ITPR2: variants seen among roughly 807,000 people sequenced by gnomAD.
ITPR2 encodes the protein inositol 1,4,5-trisphosphate-gated calcium channel ITPR2.
ITPR2 carries 207 observed loss-of-function variants against 317.1 expected under a neutral mutation model. That is an observed-to-expected ratio of 0.65 (90% CI 0.58 to 0.73). ITPR2 has a LOEUF of 0.73. Ranked by LOEUF, ITPR2 falls within the 30% of genes least tolerant of loss-of-function variation. ITPR2 has a pLI of 0.00. For missense variants in ITPR2, 2,613 were observed against 3,284.0 expected (o/e 0.80, Z 4.99); for synonymous variants, 1,156 against 1,149.1 (o/e 1.01, Z -0.12).
intron 37 of ITPR2, among the ~76,000 whole-genome samples, chr12:26,503,767 A>C (rs773087898): frequency 6.6e-5 from 10 of 152,254 alleles, no homozygotes; most frequent in Non-Finnish European, 1.5e-5. Flanking sequence ...GCCCATAGCA[A>C]GTACTGAATA....
chr12:26,428,118 C>T (rs1380544161), intron 48 of ITPR2, 30 bp from the exon 49 acceptor site: 1 of 1,528,102 alleles, frequency 6.5e-7, no homozygotes, highest in East Asian at 2.4e-5. Context: ...TTTATTGCTA[C>T]TAAGAATAAA....
At chr12:26,570,267 T>G (rs1945124677) in intron 34 of ITPR2, among the ~76,000 whole-genome samples, 2 of 152,186 alleles carry the variant, frequency 1.3e-5, no homozygotes, top group Admixed American at 1.3e-4. Context: ...CCCCCAAAAT[T>G]AGAATAATGC....
intron 1 of ITPR2, among the ~76,000 whole-genome samples, chr12:26,826,638 G>GTA (rs1451127049): frequency 6.6e-6 from 1 of 152,166 alleles, no homozygotes; most frequent in Non-Finnish European, 1.5e-5. Flanking sequence ...GCATCAATTG[G>GTA]TAGTCACCTG....
At chr12:26,667,037 C>A (rs1947645702) in intron 13 of ITPR2, among the ~76,000 whole-genome samples, 1 of 152,090 alleles carries the variant, frequency 6.6e-6, no homozygotes, top group African/African-American at 2.4e-5. Context: ...TTGGTATAGA[C>A]AAAAGCTGAC....
At chr12:26,582,724 T>C (rs767535292) in intron 32 of ITPR2, among the ~76,000 whole-genome samples, 10 of 152,338 alleles carry the variant, frequency 6.6e-5, no homozygotes, top group Admixed American at 1.3e-4. Flanking sequence ...TGAGGGTATG[T>C]AGACAGTTTT....
intron 2 of ITPR2, among the ~76,000 whole-genome samples, chr12:26,736,222 T>A (rs1247655078): frequency 6.6e-6 from 1 of 152,114 alleles, no homozygotes; most frequent in East Asian, 1.9e-4. Flanking sequence ...CTCAGTTGAC[T>A]CCTGCTGCCT....
At chr12:26,781,331 C>T (rs1950073107) in intron 2 of ITPR2, among the ~76,000 whole-genome samples, 1 of 152,204 alleles carries the variant, frequency 6.6e-6, no homozygotes, top group Non-Finnish European at 1.5e-5. Flanking sequence ...TTTCCTCCTC[C>T]TTTTGCTAAA....
At chr12:26,660,333 C>G (rs1175644641) in intron 15 of ITPR2, among the ~76,000 whole-genome samples, 1 of 152,182 alleles carries the variant, frequency 6.6e-6, no homozygotes, top group Non-Finnish European at 1.5e-5. Context: ...CCTTATTCAT[C>G]ACACTAATTT....
chr12:26,429,170 C>T (rs1327281811), intron 48 of ITPR2, among the ~76,000 whole-genome samples: 2 of 152,152 alleles, frequency 1.3e-5, no homozygotes, highest in African/African-American at 4.8e-5. Context: ...GCTAACATCT[C>T]AGAAATAGGC....
At chr12:26,529,585 A>G (rs1261396495) in intron 37 of ITPR2, among the ~76,000 whole-genome samples, 1 of 152,170 alleles carries the variant, frequency 6.6e-6, no homozygotes, top group African/African-American at 2.4e-5. Context: ...TTTCCTATTA[A>G]AGATCCTATA....
intron 37 of ITPR2, among the ~76,000 whole-genome samples, chr12:26,499,605 T>C (rs1943027093): frequency 6.6e-6 from 1 of 152,198 alleles, no homozygotes; most frequent in Non-Finnish European, 1.5e-5. Context: ...GCTATAAAAG[T>C]TGTACATTGT....
intron 9 of ITPR2, among the ~76,000 whole-genome samples, chr12:26,707,348 A>C (rs982342414): frequency 5.9e-5 from 9 of 152,198 alleles, no homozygotes; most frequent in Non-Finnish European, 1.3e-4. Context: ...AATAATATCT[A>C]GATATTAAAG....
chr12:26,800,019 T>C (rs1048177742), intron 1 of ITPR2, among the ~76,000 whole-genome samples: 1 of 152,196 alleles, frequency 6.6e-6, no homozygotes, highest in African/African-American at 2.4e-5. Context: ...TTTCACCACC[T>C]GGTTGACACC....
At chr12:26,654,776 G>T (rs180694896) in intron 20 of ITPR2, among the ~76,000 whole-genome samples, 16 of 152,120 alleles carry the variant, frequency 1.1e-4, no homozygotes, top group African/African-American at 3.9e-4. Flanking sequence ...CTACAGAAAG[G>T]CCCACATGGC....
intron 37 of ITPR2, among the ~76,000 whole-genome samples, chr12:26,543,662 G>A (rs1217156968): frequency 6.6e-5 from 10 of 151,970 alleles, no homozygotes; most frequent in South Asian, 2.1e-4. Flanking sequence ...CCAGCTACTC[G>A]GAAGGCTGAG....
chr12:26,632,031 C>T lies in ITPR2; in HGVS notation c.2769G>A (p.Gly923=). The T allele has an allele frequency of 6.3e-7, 1 of 1,589,850 alleles. No homozygotes were observed. The highest frequency in any genetic ancestry group is 1.8e-5 in the Admixed American group (1 of 55,988). The change falls in exon 22 of 57, where the codon GGG becomes GGA. Residue 923 remains glycine (G), a synonymous_variant. Transcript: ENST00000381340. The part of the protein sequence containing the change: ...GGNNVMRTIH[G]VGEMMTQMVL... ...CCATCTGGGTCATCATCTCTCCCAC[C>T]CCATGAATGGTTCTCATCACATTGT... is the stretch of plus-strand genomic sequence containing the variant.
intron 35 of ITPR2, among the ~76,000 whole-genome samples, chr12:26,558,419 A>G (rs975120737): frequency 6.6e-6 from 1 of 152,194 alleles, no homozygotes; most frequent in African/African-American, 2.4e-5. Context: ...AAGTGCATAG[A>G]ACATCCTCTA....
At chr12:26,772,158 C>T (rs1329730363) in intron 2 of ITPR2, among the ~76,000 whole-genome samples, 1 of 151,490 alleles carries the variant, frequency 6.6e-6, no homozygotes, top group Non-Finnish European at 1.5e-5. Context: ...AGAAATGCAA[C>T]TGAACTTGGC....
Position 26,663,713 on chromosome 12 carries a change from T to C in ITPR2, c.1685A>G (p.His562Arg), listed in dbSNP as rs765536619. ...MLRLCYRVLR[H>R]SQQDYRKNQE... Reference sequence around the variant, plus strand: ...ATTTTTCCGGTAATCCTGCTGCGAGTGTCTCAGGACGCGGTAACAGAGCCG... The same window carrying C: ...ATTTTTCCGGTAATCCTGCTGCGAGCGTCTCAGGACGCGGTAACAGAGCCG... The change falls in exon 15 of 57, where the codon CAC (histidine) becomes CGC (arginine). Residue 562 changes from histidine (H) to arginine (R), a missense_variant. His to Arg is a conservative substitution (Grantham distance 29). Around this residue, in one of 9 missense-constraint regions of ITPR2, gnomAD observed 515 missense variants for 789.4 expected, o/e 0.65. Coordinates refer to ENST00000381340, the MANE Select transcript of ITPR2 (RefSeq NM_002223.4). 11 of 1,612,342 alleles carry C rather than the reference T, an allele frequency of 6.8e-6. No homozygotes were observed. In the South Asian group the frequency reaches 1.2e-4, roughly 18 times the overall value.
Sources: allele counts gnomAD v4.1 joint callset (sites outside exome capture counted in the v4.1 genomes callset), GRCh38; gene constraint gnomAD v4.1.1; regional missense constraint gnomAD v4.1.1; transcripts MANE v1.5; gene names NCBI Gene and HGNC (gene_info 2026-07-23, HGNC 2026-07-21).